The following EIF4G3 variants were observed in gnomAD, a reference collection of about 807,000 sequenced individuals.
EIF4G3 encodes the protein eIF-4-gamma 3.
A neutral mutation model predicts 186.4 loss-of-function variants in EIF4G3; 34 were observed. That is an observed-to-expected ratio of 0.18 (90% confidence interval 0.14 to 0.24). The LOEUF (loss-of-function observed/expected upper bound fraction) is 0.24, where lower values mean the gene tolerates loss of function less well. EIF4G3 is among the 10% of genes least tolerant of loss of function. EIF4G3 has a pLI of 1.00. For synonymous variants in EIF4G3, 673 were observed against 679.5 expected, an observed-to-expected ratio of 0.99 and a Z score of 0.15; for missense variants, 1,536 against 1,948.5, an observed-to-expected ratio of 0.79 and a Z score of 3.99.
intron 4 of EIF4G3, among the ~76,000 whole-genome samples, chr1:21,045,651 G>A (rs937147718): frequency 6.6e-5 from 10 of 152,076 alleles, no homozygotes; most frequent in African/African-American, 1.4e-4. Flanking sequence ...GTTAATCAGC[G>A]CCAGTTTGGT....
intron 2 of EIF4G3, among the ~76,000 whole-genome samples, chr1:21,166,936 C>T (rs748132071): frequency 4.0e-5 from 6 of 151,816 alleles, no homozygotes; most frequent in East Asian, 1.9e-4. Flanking sequence ...CACGTGCAAC[C>T]GCGCCTGGCT....
chr1:21,111,522 A>ATT, intron 2 of EIF4G3: 1 of 341,438 alleles, frequency 2.9e-6, no homozygotes, highest in South Asian at 2.4e-5. Flanking sequence ...CCTTTAAGAC[A>ATT]TCTCTCCCAG....
intron 20 of EIF4G3, among the ~76,000 whole-genome samples, chr1:20,875,569 A>G (rs1351143321): frequency 1.3e-5 from 2 of 152,104 alleles, no homozygotes; most frequent in African/African-American, 4.8e-5. Context: ...CAGAAAGCAC[A>G]TATGTTAGTC....
At chr1:20,932,592 T>A (rs1352569159) in intron 14 of EIF4G3, among the ~76,000 whole-genome samples, 2 of 152,054 alleles carry the variant, frequency 1.3e-5, no homozygotes, top group East Asian at 3.9e-4. Flanking sequence ...TATTGTTGTA[T>A]CTCAGGAAAT....
At chr1:21,163,551 C>T (rs758105393) in intron 2 of EIF4G3, among the ~76,000 whole-genome samples, 1 of 152,160 alleles carries the variant, frequency 6.6e-6, no homozygotes, top group Non-Finnish European at 1.5e-5. Flanking sequence ...AAAGCAGATA[C>T]AATCTTACAA....
At chr1:20,920,734 G>A (rs1382817889) in intron 14 of EIF4G3, among the ~76,000 whole-genome samples, 2 of 151,884 alleles carry the variant, frequency 1.3e-5, no homozygotes, top group East Asian at 1.9e-4. Context: ...AACTTCCACC[G>A]AGAGCTTGGG....
intron 14 of EIF4G3, among the ~76,000 whole-genome samples, chr1:20,910,235 TA>T (rs1228996733): frequency 1.3e-5 from 2 of 152,298 alleles, no homozygotes; most frequent in East Asian, 1.9e-4. Flanking sequence ...ATAAAAGAGC[TA>T]AATGTACATG....
intron 4 of EIF4G3, among the ~76,000 whole-genome samples, chr1:21,024,942 A>G (rs1216881036): frequency 6.6e-6 from 1 of 152,150 alleles, no homozygotes; most frequent in East Asian, 1.9e-4. Flanking sequence ...TATGAATAAT[A>G]TATCAAGAAG....
At chr1:20,863,378 T>TAAAAAAAAAAAAAAAAAAAAAAA (rs3051243) in intron 22 of EIF4G3, among the ~76,000 whole-genome samples, 37 of 102,476 alleles carry the variant, frequency 3.6e-4, no homozygotes, top group East Asian at 1.0e-3. Flanking sequence ...CTACAAAAAG[T>TAAAAAAAAAAAAAAAAAAAAAAA]AAAAAAAAAA....
chr1:20,860,449 T>A lies in EIF4G3; in HGVS notation c.3180A>T (p.Lys1060Asn). The A allele has an allele frequency of 6.2e-7, 1 of 1,614,138 alleles. No homozygotes were observed. Among genetic ancestry groups the A allele is most frequent in the Non-Finnish European group, 8.5e-7 (1 of 1,180,012 alleles). ...KTIEQIHKEAKIEEQEEQRKV... is the reference protein window; with the variant it reads ...KTIEQIHKEANIEEQEEQRKV... Reference sequence around the variant, plus strand: ...TCCTTTGCTCTTCTTGTTCTTCTATTTTAGCCTCTTTGTGAATCTGTTCGA... The same window carrying A: ...TCCTTTGCTCTTCTTGTTCTTCTATATTAGCCTCTTTGTGAATCTGTTCGA... Residue 1060 changes from lysine (K) to asparagine (N), a missense_variant, in exon 24 of 37, where the codon AAA (lysine) becomes AAT (asparagine). This residue lies in a region of EIF4G3 where 110 missense variants were observed against 166.2 expected (regional missense o/e 0.66). Transcript: ENST00000602326.
chr1:20,818,162 T>C (rs1178426642), intron 33 of EIF4G3, among the ~76,000 whole-genome samples: 4 of 152,100 alleles, frequency 2.6e-5, no homozygotes, highest in Non-Finnish European at 5.9e-5. Context: ...TAAGGCAGGA[T>C]AGGAGCCCTA....
At chr1:20,989,454 GGGTGAGCCA>G (rs1360597835) in intron 7 of EIF4G3, among the ~76,000 whole-genome samples, 1 of 150,168 alleles carries the variant, frequency 6.7e-6, no homozygotes, top group Non-Finnish European at 1.5e-5. Flanking sequence ...CTACTCGGGA[GGGTGAGCCA>G]GGAGAATCAC....
At chr1:21,155,514 G>C (rs1386103709) in intron 2 of EIF4G3, among the ~76,000 whole-genome samples, 1 of 151,942 alleles carries the variant, frequency 6.6e-6, no homozygotes, top group African/African-American at 2.4e-5. Context: ...GCCTATTAGG[G>C]AGACAGCAAG....
At chr1:21,078,838 C>A (rs1198185039) in intron 3 of EIF4G3, among the ~76,000 whole-genome samples, 1 of 151,904 alleles carries the variant, frequency 6.6e-6, no homozygotes, top group Non-Finnish European at 1.5e-5. Context: ...TACAAAAATT[C>A]GCCGGGTATA....
chr1:21,019,593 ATTT>A (rs1436334196), intron 4 of EIF4G3, among the ~76,000 whole-genome samples: 1 of 152,198 alleles, frequency 6.6e-6, no homozygotes, highest in African/African-American at 2.4e-5. Context: ...CAGAATACAT[ATTT>A]TCTCATCTCA....
At chr1:20,861,154 A>C (rs1377839248) in intron 23 of EIF4G3, among the ~76,000 whole-genome samples, 1 of 152,264 alleles carries the variant, frequency 6.6e-6, no homozygotes, top group African/African-American at 2.4e-5. Context: ...ACATGGGTGA[A>C]GACAACCACA....
In EIF4G3 at chr1:21,016,574, C is replaced by T. The variant is rs528138364; in HGVS notation, c.-66-13766G>A. Reference sequence around the variant, plus strand: ...TGATGTACTCCTGTAGTCTCAGCTACTCCAGAGGCTGAAGGTCAAGGCTAC... The same window carrying T: ...TGATGTACTCCTGTAGTCTCAGCTATTCCAGAGGCTGAAGGTCAAGGCTAC... On this transcript the variant is annotated intron_variant, in intron 4 of 36. Coordinates refer to ENST00000602326, the MANE Select transcript of EIF4G3 (RefSeq NM_001391906.1). 1.3e-4 allele frequency among the ~76,000 whole-genome samples: 20 copies of T among 152,214 alleles called. No individual in the cohort carries two copies. In the South Asian group the frequency reaches 2.3e-3, roughly 17 times the overall value.
At chr1:20,982,441 CAGAA>C (rs2078492101) in intron 7 of EIF4G3, 33 bp from the exon 8 acceptor site, 1 of 1,518,858 alleles carries the variant, frequency 6.6e-7, no homozygotes. Flanking sequence ...CAGCAGGAAA[CAGAA>C]AGAAAGCCAA....
chr1:21,057,478 G>C (rs549704685), intron 3 of EIF4G3, among the ~76,000 whole-genome samples: 94 of 152,216 alleles, frequency 6.2e-4, no homozygotes, highest in African/African-American at 2.1e-3. Context: ...ATGTACACAT[G>C]TTTAGCAACA....
Sources: gnomAD v4.1 joint callset for allele counts (sites outside exome capture counted in the v4.1 genomes callset) on GRCh38, gnomAD v4.1.1 for gene constraint, gnomAD v4.1.1 regional missense constraint, MANE v1.5 for transcripts, NCBI Gene and HGNC (gene_info 2026-07-23, HGNC 2026-07-21) for gene names.